Variants in ZDHHC11 observed in about 807,000 individuals in gnomAD.
The protein encoded by ZDHHC11 is palmitoyltransferase ZDHHC11.
A neutral mutation model predicts 51.3 loss-of-function variants in ZDHHC11; 44 were observed. The ratio of observed to expected loss-of-function variants is 0.86; its 90% confidence interval spans 0.67 to 1.10. The LOEUF (loss-of-function observed/expected upper bound fraction) is 1.10. ZDHHC11 is among the 50% of genes least tolerant of loss of function. The pLI, the probability that ZDHHC11 is intolerant of heterozygous loss-of-function variation, is 0.00. For synonymous variants in ZDHHC11, 163 were observed against 222.0 expected (o/e 0.73, Z 2.36); for missense variants, 400 against 537.7 (o/e 0.74, Z 2.53).
intron 1 of ZDHHC11, among the ~76,000 whole-genome samples, chr5:857,526 A>G (rs550035448): frequency 3.3e-5 from 5 of 150,216 alleles, no homozygotes; most frequent in African/African-American, 1.2e-4. Flanking sequence ...TTATGACACC[A>G]GGCCCCTAGA....
intron 1 of ZDHHC11, among the ~76,000 whole-genome samples, chr5:849,409 G>A (rs1746799320): frequency 1.3e-5 from 2 of 152,150 alleles, no homozygotes; most frequent in Admixed American, 1.3e-4. Flanking sequence ...AGGCCCTGGA[G>A]GAGCCTGGGT....
chr5:825,366 T>C (rs1420888337), intron 7 of ZDHHC11, 115 bp from the exon 8 acceptor site: 26 of 1,091,060 alleles, frequency 2.4e-5, no homozygotes, highest in Non-Finnish European at 3.5e-5. Flanking sequence ...CACACATGTC[T>C]CAGAAACTTG....
At chr5:855,150 CG>C, upstream of ZDHHC11, among the ~76,000 whole-genome samples, 1 of 145,316 alleles carries the variant, frequency 6.9e-6, no homozygotes, top group African/African-American at 2.6e-5. Context: ...GACAGCGAGC[CG>C]GGGGACACAG....
At chr5:819,881 C>T (rs1561250616) in intron 9 of ZDHHC11, among the ~76,000 whole-genome samples, 1 of 151,294 alleles carries the variant, frequency 6.6e-6, no homozygotes, top group African/African-American at 2.4e-5. Context: ...GCGAGCCCCA[C>T]CCTAGACCAG....
chr5:805,444 C>A (rs1436854513), intron 11 of ZDHHC11, among the ~76,000 whole-genome samples: 27 of 150,976 alleles, frequency 1.8e-4, no homozygotes, highest in South Asian at 8.4e-4. Context: ...AAAAAATCTA[C>A]ATTGGTATTC....
chr5:808,472 CCTCA>C (rs1172986805), intron 11 of ZDHHC11, among the ~76,000 whole-genome samples: 4 of 145,638 alleles, frequency 2.7e-5, no homozygotes, highest in Non-Finnish European at 4.6e-5. Flanking sequence ...TTCCAGACTC[CCTCA>C]CTCAGTTCCC....
chr5:796,624 G>A (rs1462591325), intron 12 of ZDHHC11, 44 bp from the exon 13 acceptor site: 1 of 151,406 alleles, frequency 6.6e-6, no homozygotes, highest in Non-Finnish European at 1.5e-5. Flanking sequence ...CCACCAGGGA[G>A]GAAGCTCAGC....
chr5:843,901 CA>C (rs1345675910), intron 3 of ZDHHC11, among the ~76,000 whole-genome samples, 177 bp from the exon 4 acceptor site: 1 of 106,608 alleles, frequency 9.4e-6, no homozygotes, highest in Non-Finnish European at 1.8e-5. Context: ...GGCGGGGAGG[CA>C]GGGGCAGGGA....
rs370706048 is a variant in ZDHHC11, at chr5:814,104, A to C, written c.1181+657T>G. Among the ~76,000 whole-genome samples, 325 of 130,246 alleles carry C rather than the reference A, an allele frequency of 2.5e-3. 3 individuals are homozygous for C. The highest frequency in any genetic ancestry group is 0.017 in the East Asian group (62 of 3,682). 85.4% of individuals were successfully genotyped at this position (130,246 alleles called of 152,430 possible). On this transcript the variant is annotated intron_variant, in intron 11 of 12. Coordinates refer to ENST00000283441, the MANE Select transcript of ZDHHC11 (RefSeq NM_024786.3). ...TGTTCATTTTATGGAAAGAAAAATG[A>C]AACAGCAAACAAGGAGTAAATAATT...
In ZDHHC11 at chr5:817,966, C is replaced by T. The variant is rs1196655926; in HGVS notation, c.1146+1559G>A. Reference sequence around the variant, plus strand: ...TCAGCACAGGGCTGTGCCACGGACGCGGGTGTCAGTGAAGTCACGTGCATT... The same window carrying T: ...TCAGCACAGGGCTGTGCCACGGACGTGGGTGTCAGTGAAGTCACGTGCATT... On this transcript the variant is annotated intron_variant, in intron 10 of 12. Coordinates refer to ENST00000283441, the MANE Select transcript of ZDHHC11 (RefSeq NM_024786.3). Among the ~76,000 whole-genome samples, 7 of 151,354 alleles carry T rather than the reference C, an allele frequency of 4.6e-5. No individual in the cohort carries two copies. In the East Asian group the frequency reaches 7.7e-4, roughly 17 times the overall value.
At chr5:801,395 G>C (rs1017087027) in intron 11 of ZDHHC11, among the ~76,000 whole-genome samples, 8 of 151,928 alleles carry the variant, frequency 5.3e-5, no homozygotes, top group Non-Finnish European at 1.0e-4. Flanking sequence ...TGCTGATATA[G>C]AGACAAAGTG....
rs1192616507 is a variant in ZDHHC11, at chr5:850,949, C to G, written c.-347G>C. The G allele has an allele frequency of 5.2e-6, 2 of 382,434 alleles. No individual in the cohort carries two copies. Among genetic ancestry groups the G allele is most frequent in the East Asian group, 9.4e-5 (2 of 21,198 alleles). The allele number at this position is 382,434 out of a possible 1,614,324, so 23.7% of individuals were successfully genotyped here. A position where few individuals can be genotyped will look rare whatever the true frequency, so the allele number is the denominator to read the frequency against. On this transcript the variant is annotated 5_prime_UTR_variant, in exon 1 of 13. Transcript: ENST00000283441. ...TTGTTACGTTCTGGGGAGTGCTCGA[C>G]AGCCCCCACACAGCGACAGGTCCCA...
chr5:819,499 G>C (rs1207480711), intron 10 of ZDHHC11, 26 bp downstream of exon 10: 2 of 1,603,040 alleles, frequency 1.2e-6, no homozygotes, highest in African/African-American at 2.7e-5. Context: ...CTGTCCTCGG[G>C]GACAGCGCCA....
intron 6 of ZDHHC11, among the ~76,000 whole-genome samples, chr5:835,129 T>C (rs1290008493): frequency 6.6e-6 from 1 of 151,364 alleles, no homozygotes; most frequent in Non-Finnish European, 1.5e-5. Context: ...TCTATGCTTG[T>C]TTCTAGAAGT....
chr5:834,990 T>C lies in ZDHHC11; in HGVS notation c.901-1183A>G, dbSNP rs569743141. ...GCCTGTATTTTTATTTTCTTAATGG[T>C]GACTTTTGAAGAGCAAATATTTTCA... is the stretch of plus-strand genomic sequence containing the variant. On this transcript the variant is annotated intron_variant, in intron 6 of 12. Coordinates refer to ENST00000283441, the MANE Select transcript of ZDHHC11 (RefSeq NM_024786.3). Among the ~76,000 whole-genome samples the C allele has an allele frequency of 2.6e-5, 4 of 152,090 alleles. No individual in the cohort carries two copies. The South Asian group carries it at 8.3e-4, about 32-fold the overall frequency.
Position 836,523 on chromosome 5 carries a change from G to C in ZDHHC11, c.900+842C>G, listed in dbSNP as rs918927625. Among the ~76,000 whole-genome samples, 3 of 149,970 alleles carry C rather than the reference G, an allele frequency of 2.0e-5. 1 individual carries two copies. Among genetic ancestry groups the C allele is most frequent in the Non-Finnish European group, 4.5e-5 (3 of 67,222 alleles). ...ATTGCTGAATGAGTTGGGAAGTGTT[G>C]CTTCCTTCTCTGTTTTCTGAAAGAG... On this transcript the variant is annotated intron_variant, in intron 6 of 12. Coordinates refer to ENST00000283441, the MANE Select transcript of ZDHHC11 (RefSeq NM_024786.3).
At chr5:809,290 T>A (rs2150306628) in intron 11 of ZDHHC11, among the ~76,000 whole-genome samples, 1 of 140,378 alleles carries the variant, frequency 7.1e-6, no homozygotes, top group South Asian at 2.4e-4. Flanking sequence ...CCTTTGTTGC[T>A]GTTGGAGCAG....
chr5:804,253 A>G (rs190397797), intron 11 of ZDHHC11, among the ~76,000 whole-genome samples: 1 of 151,308 alleles, frequency 6.6e-6, no homozygotes, highest in East Asian at 1.9e-4. Context: ...TGCTCTGCCC[A>G]CCCAGGACAT....
Position 816,480 on chromosome 5 carries a change from A to G in ZDHHC11, c.1147-1685T>C. 3 of 493,312 alleles carry G rather than the reference A, an allele frequency of 6.1e-6. 1 individual carries two copies. Among genetic ancestry groups the G allele is most frequent in the Non-Finnish European group, 1.2e-5 (3 of 246,824 alleles). The allele number at this position is 493,312 out of a possible 1,614,324, so 30.6% of individuals were successfully genotyped here. A position where few individuals can be genotyped will look rare whatever the true frequency, so the allele number is the denominator to read the frequency against. ...AGTCGAAGATAAGTGATATGCCTGGAAAAACGGACAAGTGGGATGGATCAG... is the reference window on the plus strand; with the variant it reads ...AGTCGAAGATAAGTGATATGCCTGGGAAAACGGACAAGTGGGATGGATCAG... On this transcript the variant is annotated intron_variant, in intron 10 of 12. Transcript: ENST00000283441.
Sources: gnomAD v4.1 joint callset for allele counts (sites outside exome capture counted in the v4.1 genomes callset) on GRCh38, gnomAD v4.1.1 for gene constraint, MANE v1.5 for transcripts, NCBI Gene and HGNC (gene_info 2026-07-23, HGNC 2026-07-21) for gene names.